The following SEM1 variants were observed in gnomAD, a reference collection of about 807,000 sequenced individuals.
SEM1 encodes 26S proteasome complex subunit SEM1.
Under a neutral mutation model 12.7 loss-of-function variants are expected in SEM1, and 3 were observed. The observed-to-expected ratio is 0.24, with a 90% CI of 0.11 to 0.61. SEM1 has a LOEUF of 0.61. Ranked by LOEUF, SEM1 falls within the 20% of genes least tolerant of loss-of-function variation. The pLI, the probability that SEM1 is intolerant of heterozygous loss-of-function variation, is 0.88. For synonymous variants in SEM1, 30 were observed against 27.8 expected, an observed-to-expected ratio of 1.08 and a Z score of -0.25; for missense variants, 59 against 81.3, an observed-to-expected ratio of 0.73 and a Z score of 1.06.
At chr7:96,699,146 C>A (rs1416482097) in intron 1 of SEM1, among the ~76,000 whole-genome samples, 1 of 152,096 alleles carries the variant, frequency 6.6e-6, no homozygotes, top group Admixed American at 6.6e-5. Context: ...ATTCTTAAGA[C>A]ACGCATGGGC....
At chr7:96,484,450 C>T (rs1234839313) in intron 3 of SEM1, among the ~76,000 whole-genome samples, 3 of 152,122 alleles carry the variant, frequency 2.0e-5, no homozygotes, top group Admixed American at 2.0e-4. Flanking sequence ...AGCCAGAAAC[C>T]ATAAGGTAAA....
rs868825143 is a variant in SEM1 at position 96,506,435 on chromosome 7, C to T, written c.*60+188G>A. Among the ~76,000 whole-genome samples, 21 of 152,108 alleles carry T rather than the reference C, an allele frequency of 1.4e-4. No homozygotes were observed. In the Middle Eastern group the frequency reaches 0.01, roughly 74 times the overall value. On this transcript the variant is annotated intron_variant and NMD_transcript_variant, in intron 3 of 3. Transcript: ENST00000466986. ...TGTAATTAAAATATTATGGCCTTTT[C>T]TTGGTTATTATATATGTCAAATTTT... is the stretch of plus-strand genomic sequence containing the variant.
intron 2 of SEM1, among the ~76,000 whole-genome samples, chr7:96,583,683 T>C (rs1352806438): frequency 6.6e-6 from 1 of 150,618 alleles, no homozygotes; most frequent in Non-Finnish European, 1.5e-5. Flanking sequence ...ATATTTAGGA[T>C]GGTTAGCTCT....
At chr7:96,689,020 T>A in intron 2 of SEM1, 54 bp from the exon 3 acceptor site, 1 of 1,073,758 alleles carries the variant, frequency 9.3e-7, no homozygotes, top group Non-Finnish European at 1.4e-6. Context: ...AAACATTCTT[T>A]TAGAAACAAT....
In SEM1 at chr7:96,595,899, G is replaced by A. The variant is rs138612551; in HGVS notation, c.171-89201C>T. Among the ~76,000 whole-genome samples, 256 of 152,244 alleles carry A rather than the reference G, an allele frequency of 1.7e-3. 1 individual carries two copies. The highest frequency in any genetic ancestry group is 7.2e-4 in the Non-Finnish European group (49 of 68,018). On this transcript the variant is annotated intron_variant and NMD_transcript_variant, in intron 2 of 3. Coordinates refer to the SEM1 transcript ENST00000466986. ...CCATGTTCATTTACACCAAGAAGGT[G>A]CTTATGGCCAACAAAGAGGTGTGTA...
exon 3 of SEM1, chr7:96,622,577 A>G (rs760401299): frequency 5.2e-6 from 4 of 764,160 alleles, no homozygotes; most frequent in South Asian, 2.7e-5. Flanking sequence ...TGCATGATCA[A>G]TGTGAAGCCT....
chr7:96,618,818 G>A (rs1462116496), downstream of SEM1, among the ~76,000 whole-genome samples: 1 of 152,058 alleles, frequency 6.6e-6, no homozygotes, highest in African/African-American at 2.4e-5. Flanking sequence ...GTTGTGGCTG[G>A]CATGCACATG....
At chr7:96,490,635 A>T (rs1802969015) in intron 1 of SEM1, among the ~76,000 whole-genome samples, 2 of 152,108 alleles carry the variant, frequency 1.3e-5, no homozygotes, top group Admixed American at 1.3e-4. Context: ...TCTGAACTTC[A>T]GTTGCAGAGG....
chr7:96,532,966 G>A (rs750560792), intron 2 of SEM1, among the ~76,000 whole-genome samples: 3 of 151,950 alleles, frequency 2.0e-5, no homozygotes, highest in Non-Finnish European at 2.9e-5. Flanking sequence ...TTTTACTTCC[G>A]CTACAGATTG....
intron 2 of SEM1, among the ~76,000 whole-genome samples, chr7:96,513,869 A>T (rs1324130143): frequency 6.6e-6 from 1 of 152,068 alleles, no homozygotes; most frequent in Non-Finnish European, 1.5e-5. Flanking sequence ...ATTATACCAT[A>T]GATATTGCTA....
At chr7:96,644,412 T>C (rs920102974) in intron 2 of SEM1, among the ~76,000 whole-genome samples, 9 of 152,098 alleles carry the variant, frequency 5.9e-5, no homozygotes, top group African/African-American at 2.2e-4. Context: ...TGTCTTGCTA[T>C]TTTTATGTAT....
exon 4 of SEM1, chr7:96,482,843 A>G (rs1802599559): frequency 6.6e-6 from 1 of 152,222 alleles, no homozygotes; most frequent in African/African-American, 2.4e-5. Context: ...AAGAAATACA[A>G]GACAGTTTCT....
At chr7:96,530,468 A>G (rs2115710198) in intron 2 of SEM1, among the ~76,000 whole-genome samples, 1 of 152,240 alleles carries the variant, frequency 6.6e-6, no homozygotes, top group South Asian at 2.1e-4. Flanking sequence ...GGTTGTAAGA[A>G]GTCTGCCAGA....
intron 2 of SEM1, among the ~76,000 whole-genome samples, chr7:96,541,448 T>TG (rs1359728665): frequency 2.7e-5 from 4 of 148,868 alleles, no homozygotes; most frequent in Non-Finnish European, 4.5e-5. Context: ...TTTTTGTTTT[T>TG]TTTTTTTTTT....
chr7:96,607,916 A>T (rs1807433725), intron 2 of SEM1, among the ~76,000 whole-genome samples: 1 of 152,178 alleles, frequency 6.6e-6, no homozygotes, highest in Non-Finnish European at 1.5e-5. Context: ...CCTGGATCAG[A>T]CATCTTGTCA....
chr7:96,639,750 A>C (rs1808532519), intron 2 of SEM1, among the ~76,000 whole-genome samples: 1 of 151,954 alleles, frequency 6.6e-6, no homozygotes, highest in Non-Finnish European at 1.5e-5. Context: ...ATAAAAAAAA[A>C]TTCTGTTCTG....
At chr7:96,688,324 T>C (rs1789821862), downstream of SEM1, 1 of 152,146 alleles carries the variant, frequency 6.6e-6, no homozygotes, top group Non-Finnish European at 1.5e-5. Context: ...GTGATTAAAC[T>C]ACTTTGGACT....
chr7:96,534,759 G>A (rs779440924), intron 2 of SEM1, among the ~76,000 whole-genome samples: 3 of 151,978 alleles, frequency 2.0e-5, no homozygotes, highest in Non-Finnish European at 4.4e-5. Flanking sequence ...CACTTACCTT[G>A]TATTAAGCCA....
intron 2 of SEM1, among the ~76,000 whole-genome samples, chr7:96,514,395 A>G (rs919213105): frequency 6.6e-6 from 1 of 152,130 alleles, no homozygotes; most frequent in African/African-American, 2.4e-5. Flanking sequence ...CATTTTCAAC[A>G]TCATACTGGA....
Sources: gnomAD v4.1 joint callset for allele counts (sites outside exome capture counted in the v4.1 genomes callset) on GRCh38, gnomAD v4.1.1 for gene constraint, MANE v1.5 for transcripts, NCBI Gene and HGNC (gene_info 2026-07-23, HGNC 2026-07-21) for gene names.